FGGY: variants seen among roughly 807,000 people sequenced by gnomAD.
The protein encoded by FGGY is FGGY carbohydrate kinase domain-containing protein.
FGGY carries 72 observed loss-of-function variants against 71.3 expected under a neutral mutation model. The ratio of observed to expected loss-of-function variants is 1.01; its 90% CI spans 0.84 to 1.23. FGGY has a LOEUF of 1.23. Ranked by LOEUF, FGGY falls within the 50% of genes most tolerant of loss-of-function variation. The pLI is 0.00. For synonymous variants in FGGY, 251 were observed against 250.3 expected (o/e 1.00, Z -0.02); for missense variants, 668 against 682.3 (o/e 0.98, Z 0.23).
chr1:59,629,349 AAT>A (rs1334789890), intron 10 of FGGY, among the ~76,000 whole-genome samples: 1 of 152,222 alleles, frequency 6.6e-6, no homozygotes, highest in African/African-American at 2.4e-5. Context: ...ACTGTAGTAA[AAT>A]ATACGTAGTG....
intron 5 of FGGY, among the ~76,000 whole-genome samples, chr1:59,445,146 AAG>A (rs1164160737): frequency 6.6e-6 from 1 of 152,192 alleles, no homozygotes; most frequent in African/African-American, 2.4e-5. Flanking sequence ...GAGGGAGAGA[AAG>A]AGGGAGGAGG....
Position 59,378,832 on chromosome 1 carries a change from A to C in FGGY, c.549A>C (p.Thr183=), listed in dbSNP as rs2058999979. Residue 183 remains threonine, a synonymous_variant, in exon 5 of 16, where the codon ACA becomes ACC. Coordinates refer to ENST00000303721, the MANE Select transcript of FGGY (RefSeq NM_018291.5). ...DFLSWKATGV[T]ARSLCSLVCK... ...TATCGTGGAAGGCAACAGGTGTCAC[A>C]GCACGGTATGTTAATTACAAGTTGG... The C allele has an allele frequency of 2.5e-6, 4 of 1,612,268 alleles. No individual in the cohort carries two copies. Among genetic ancestry groups the C allele is most frequent in the Non-Finnish European group, 3.4e-6 (4 of 1,178,614 alleles).
At chr1:59,653,593 G>A (rs2097189275) in intron 11 of FGGY, among the ~76,000 whole-genome samples, 1 of 152,228 alleles carries the variant, frequency 6.6e-6, no homozygotes, top group African/African-American at 2.4e-5. Context: ...GTGAGGCAAT[G>A]CCTCGCCCTG....
intron 5 of FGGY, among the ~76,000 whole-genome samples, chr1:59,381,073 C>G (rs540817681): frequency 1.1e-4 from 17 of 152,174 alleles, no homozygotes; most frequent in East Asian, 7.7e-4. Flanking sequence ...TCTTGTTTTT[C>G]TCAGGTTTGT....
intron 6 of FGGY, among the ~76,000 whole-genome samples, chr1:59,467,460 C>T (rs973781087): frequency 2.6e-5 from 4 of 151,988 alleles, no homozygotes; most frequent in Non-Finnish European, 5.9e-5. Context: ...AACAAACCTG[C>T]ATGTTGTGCA....
chr1:59,694,456 A>G (rs1262581589), intron 14 of FGGY, among the ~76,000 whole-genome samples: 3 of 152,072 alleles, frequency 2.0e-5, no homozygotes, highest in African/African-American at 7.2e-5. Context: ...CATTGTCTAC[A>G]TAGCCTTTTT....
At chr1:59,736,000 G>T (rs899612298) in intron 14 of FGGY, among the ~76,000 whole-genome samples, 1 of 152,132 alleles carries the variant, frequency 6.6e-6, no homozygotes, top group African/African-American at 2.4e-5. Flanking sequence ...CCCAGTGGGA[G>T]GTAACTGAAT....
chr1:59,505,326 T>A (rs1273063696), intron 6 of FGGY, among the ~76,000 whole-genome samples: 1 of 152,224 alleles, frequency 6.6e-6, no homozygotes. Flanking sequence ...TTGGCTCGTA[T>A]CAGGTACTCA....
chr1:59,326,024 T>G (rs1427784574), intron 2 of FGGY, among the ~76,000 whole-genome samples: 2 of 152,238 alleles, frequency 1.3e-5, no homozygotes, highest in Non-Finnish European at 2.9e-5. Context: ...CAAATCTTAA[T>G]CATTCCAAAA....
chr1:59,587,909 C>T (rs12760203), intron 8 of FGGY, among the ~76,000 whole-genome samples: 18,703 of 152,198 alleles, frequency 0.12, 1,339 homozygotes, highest in South Asian at 0.3. Context: ...TCCAAAGGAT[C>T]GCAGTTCCTC....
chr1:59,456,224 A>G (rs1463277015), intron 5 of FGGY, among the ~76,000 whole-genome samples: 1 of 152,184 alleles, frequency 6.6e-6, no homozygotes, highest in Non-Finnish European at 1.5e-5. Context: ...TCCAGATACC[A>G]TGTATCTTAT....
At chr1:59,536,225 C>G (rs1357026584) in intron 7 of FGGY, among the ~76,000 whole-genome samples, 1 of 152,026 alleles carries the variant, frequency 6.6e-6, no homozygotes, top group Non-Finnish European at 1.5e-5. Flanking sequence ...ACTAGAAAAT[C>G]TAGAAGAAAT....
At chr1:59,331,905 A>G (rs1410098352) in intron 2 of FGGY, 1 of 152,298 alleles carries the variant, frequency 6.6e-6, no homozygotes, top group Non-Finnish European at 1.5e-5. Context: ...CAAAGCTGAC[A>G]AAGGCATTCA....
intron 14 of FGGY, among the ~76,000 whole-genome samples, chr1:59,685,487 C>T (rs909417449): frequency 2.0e-5 from 3 of 151,996 alleles, no homozygotes; most frequent in Non-Finnish European, 2.9e-5. Flanking sequence ...TGGAATAAAA[C>T]TCATAAGTTA....
At chr1:59,321,838 GTAAC>G (rs2046449994) in intron 2 of FGGY, 88 bp downstream of exon 2, 2 of 1,386,202 alleles carry the variant, frequency 1.4e-6, no homozygotes, top group Admixed American at 2.0e-5. Context: ...CAATGTTGGG[GTAAC>G]TTTAGATGCA....
At chr1:59,642,893 G>A (rs1389117720) in intron 11 of FGGY, among the ~76,000 whole-genome samples, 1 of 151,334 alleles carries the variant, frequency 6.6e-6, no homozygotes, top group Non-Finnish European at 1.5e-5. Flanking sequence ...AAATTAGCCG[G>A]GCATGGTGGC....
chr1:59,725,059 C>T (rs959370217), intron 14 of FGGY, among the ~76,000 whole-genome samples: 1 of 152,014 alleles, frequency 6.6e-6, no homozygotes, highest in African/African-American at 2.4e-5. Context: ...TAAATTTTTT[C>T]CTGTTATCTT....
chr1:59,656,797 A>G (rs908823037), intron 11 of FGGY, among the ~76,000 whole-genome samples: 2 of 150,902 alleles, frequency 1.3e-5, no homozygotes, highest in Non-Finnish European at 2.9e-5. Flanking sequence ...CTTCAAGGAT[A>G]GCTATGTTTT....
chr1:59,751,604 A>T (rs1175447298), intron 14 of FGGY, among the ~76,000 whole-genome samples: 1 of 152,204 alleles, frequency 6.6e-6, no homozygotes, highest in Non-Finnish European at 1.5e-5. Context: ...GTGTGTTTTT[A>T]ATAATTTTAA....
Sources: gnomAD v4.1 joint callset for allele counts (sites outside exome capture counted in the v4.1 genomes callset) on GRCh38, gnomAD v4.1.1 for gene constraint, MANE v1.5 for transcripts, NCBI Gene and HGNC (gene_info 2026-07-23, HGNC 2026-07-21) for gene names.